BAIAP2: variants seen among roughly 807,000 people sequenced by gnomAD.
The protein encoded by BAIAP2 is BAR/IMD domain-containing adapter protein 2.
In BAIAP2, 18 loss-of-function variants were observed where a neutral mutation model predicts 63.0. The ratio of observed to expected loss-of-function variants is 0.29; its 90% CI spans 0.20 to 0.42. The LOEUF is 0.42. BAIAP2 is among the 10% of genes least tolerant of loss of function. BAIAP2 has a pLI of 1.00. For synonymous variants in BAIAP2, 386 were observed against 307.6 expected (o/e 1.25, Z -2.67); for missense variants, 610 against 734.3 (o/e 0.83, Z 1.96).
At chr17:81,063,431 G>A (rs1449607154) in intron 3 of BAIAP2, among the ~76,000 whole-genome samples, 4 of 152,240 alleles carry the variant, frequency 2.6e-5, no homozygotes, top group Admixed American at 6.5e-5. Flanking sequence ...TCCTCGGTGA[G>A]CAGTTGAGTT....
chr17:81,046,416 T>C lies in BAIAP2; in HGVS notation c.55-7252T>C, dbSNP rs1270304952. On this transcript the variant is annotated intron_variant, in intron 1 of 13. Coordinates refer to ENST00000428708, the MANE Select transcript of BAIAP2 (RefSeq NM_001144888.2). This position sits in a 1 kb window ranked among gnomAD's most constrained non-coding sequence, Gnocchi z 4.5. ...TTCAGGAAGGATCCTCCAGGACAGA[T>C]GTCCAAGTGTTTAGAGGGGACAGGA... Among the ~76,000 whole-genome samples the C allele has an allele frequency of 6.6e-6, 1 of 152,128 alleles. No homozygotes were observed. Among genetic ancestry groups the C allele is most frequent in the African/African-American group, 2.4e-5 (1 of 41,414 alleles).
chr17:81,061,619 G>A (rs892583856), intron 3 of BAIAP2, among the ~76,000 whole-genome samples: 3 of 152,168 alleles, frequency 2.0e-5, no homozygotes, highest in Middle Eastern at 3.2e-3. Context: ...GCATTTCGTC[G>A]CTTGCAGGGT....
At chr17:81,106,694 T>A in intron 11 of BAIAP2, 51 bp from the exon 12 acceptor site, 1 of 1,605,804 alleles carries the variant, frequency 6.2e-7, no homozygotes, top group Non-Finnish European at 8.5e-7. Flanking sequence ...GGTTGTGGGG[T>A]GTTGGGGGCA....
At chr17:81,067,964 C>T (rs992845228) in intron 3 of BAIAP2, among the ~76,000 whole-genome samples, 1 of 152,242 alleles carries the variant, frequency 6.6e-6, no homozygotes, top group Non-Finnish European at 1.5e-5. Flanking sequence ...GAGGTGCTGG[C>T]TGCCTCCGAT....
chr17:81,057,603 G>A, intron 2 of BAIAP2: 1 of 1,168,802 alleles, frequency 8.6e-7, no homozygotes, highest in Non-Finnish European at 1.1e-6. Context: ...ACGTGATAGG[G>A]ATCAGCTCTC....
At chr17:81,091,067 C>A (rs1485321550) in intron 6 of BAIAP2, among the ~76,000 whole-genome samples, 1 of 128,076 alleles carries the variant, frequency 7.8e-6, no homozygotes, top group Non-Finnish European at 1.8e-5. Context: ...TGTGTGGACC[C>A]GCCCCCACTT....
intron 6 of BAIAP2, chr17:81,097,518 C>G (rs956208465): frequency 1.3e-5 from 2 of 152,284 alleles, no homozygotes; most frequent in African/African-American, 4.8e-5. Context: ...TGAGTCAGAG[C>G]TGTAGGCGGG....
chr17:81,109,942 C>G, intron 13 of BAIAP2: 1 of 985,428 alleles, frequency 1.0e-6, no homozygotes, highest in Non-Finnish European at 1.2e-6. Flanking sequence ...GCACCCACGC[C>G]CCCCACCTGG....
intron 1 of BAIAP2, 149 bp from the exon 2 acceptor site, chr17:81,053,519 T>G: frequency 1.3e-6 from 1 of 787,224 alleles, no homozygotes. Context: ...ATGGCTGGGA[T>G]TTGAACTTGG....
intron 13 of BAIAP2, among the ~76,000 whole-genome samples, chr17:81,114,588 C>T (rs1401466480): frequency 2.0e-5 from 3 of 152,250 alleles, no homozygotes; most frequent in Non-Finnish European, 4.4e-5. Context: ...ATCTGGGAGT[C>T]TGGGAGCCTT....
chr17:81,109,888 G>A (rs2059692286), intron 13 of BAIAP2: 1 of 985,234 alleles, frequency 1.0e-6, no homozygotes, highest in Non-Finnish European at 1.2e-6. Flanking sequence ...TGGGCAGGGT[G>A]TGCGGGCCGG....
chr17:81,055,268 T>C (rs2049282899), intron 2 of BAIAP2, among the ~76,000 whole-genome samples: 1 of 148,540 alleles, frequency 6.7e-6, no homozygotes, highest in Admixed American at 7.0e-5. Context: ...AGAAGGCCTG[T>C]CCCTGGCACT....
chr17:81,102,456 CTG>C (rs1251631613), intron 7 of BAIAP2, among the ~76,000 whole-genome samples: 2 of 152,204 alleles, frequency 1.3e-5, no homozygotes, highest in African/African-American at 4.8e-5. Flanking sequence ...GCTTTTGGCT[CTG>C]TGGGCCGTGC....
chr17:81,067,060 G>A (rs1411739039), intron 3 of BAIAP2, among the ~76,000 whole-genome samples: 3 of 152,348 alleles, frequency 2.0e-5, no homozygotes, highest in East Asian at 1.9e-4. Context: ...CCAGCACAGC[G>A]GCGCCTGCAG....
chr17:81,049,531 C>T (rs547932310), intron 1 of BAIAP2, among the ~76,000 whole-genome samples: 1 of 152,222 alleles, frequency 6.6e-6, no homozygotes, highest in African/African-American at 2.4e-5. Context: ...CACAGACTTT[C>T]CCGATCTCCT....
rs185847323 is a variant in BAIAP2 at position 81,098,564 on chromosome 17, C to T, written c.490-1364C>T. Among the ~76,000 whole-genome samples, 25 of 152,366 alleles carry T rather than the reference C, an allele frequency of 1.6e-4. 1 individual carries two copies. The East Asian group carries it at 3.5e-3, about 21-fold the overall frequency. On this transcript the variant is annotated intron_variant, in intron 6 of 13. Coordinates refer to ENST00000428708, the MANE Select transcript of BAIAP2 (RefSeq NM_001144888.2). ...ACCATCCATCTCCAGAACTTTCCAT[C>T]TTCCCAAACTAAAGCTCTTAGTACC...
chr17:81,110,174 A>G, intron 13 of BAIAP2: 1 of 985,670 alleles, frequency 1.0e-6, no homozygotes, highest in Non-Finnish European at 1.2e-6. Context: ...GTGGTTTAGT[A>G]AAAGCCTCCC....
intron 3 of BAIAP2, among the ~76,000 whole-genome samples, chr17:81,072,741 C>G (rs1033319112): frequency 1.3e-5 from 2 of 152,068 alleles, no homozygotes; most frequent in African/African-American, 2.4e-5. Context: ...TTCATTTTTC[C>G]TGACCTCTTC....
rs566574001 is a variant in BAIAP2 at position 81,047,335 on chromosome 17, C to T, written c.55-6333C>T. On this transcript the variant is annotated intron_variant, in intron 1 of 13. Coordinates refer to ENST00000428708, the MANE Select transcript of BAIAP2 (RefSeq NM_001144888.2). ...TCATCTTGTCCAGTGTAAGATGGGA[C>T]AGTGACTCTCATGGAGGGGCTGGGT... 8.5e-5 allele frequency among the ~76,000 whole-genome samples: 13 copies of T among 152,244 alleles called. 1 individual carries two copies. In the South Asian group the frequency reaches 2.7e-3, roughly 32 times the overall value.
Sources: gnomAD v4.1 joint callset for allele counts (sites outside exome capture counted in the v4.1 genomes callset) on GRCh38, gnomAD v4.1.1 for gene constraint, Gnocchi (gnomAD v3.1) non-coding constraint, MANE v1.5 for transcripts, NCBI Gene and HGNC (gene_info 2026-07-23, HGNC 2026-07-21) for gene names.